TLE3: variants seen among roughly 807,000 people sequenced by gnomAD.
TLE3 encodes TLE family member 3, transcriptional corepressor.
In TLE3, 14 loss-of-function variants were observed where a neutral mutation model predicts 93.0. The ratio of observed to expected loss-of-function variants is 0.15; its 90% CI spans 0.10 to 0.24. The LOEUF (loss-of-function observed/expected upper bound fraction) is 0.24, where lower values mean the gene tolerates loss of function less well. TLE3 is among the 10% of genes least tolerant of loss of function. TLE3 has a pLI of 1.00. For missense variants in TLE3, 693 were observed against 1,046.6 expected, an observed-to-expected ratio of 0.66 and a Z score of 4.66; for synonymous variants, 451 against 425.0, an observed-to-expected ratio of 1.06 and a Z score of -0.75.
intron 4 of TLE3, among the ~76,000 whole-genome samples, chr15:70,088,998 T>G (rs1015291364): frequency 7.9e-5 from 12 of 152,108 alleles, no homozygotes; most frequent in Admixed American, 1.3e-4. Context: ...AGAGGGGCCT[T>G]GGAGATCGCT....
Position 70,097,378 on chromosome 15 carries a change from G to A in TLE3, c.-580C>T. ...GGCCGCAGGAGCGCCGGAGGGTGAG[G>A]GCGGGAGCCCGGCGCGGGCGCTTCG... is the stretch of plus-strand genomic sequence containing the variant. On this transcript the variant is annotated 5_prime_UTR_variant, in exon 1 of 20. Transcript: ENST00000451782. The A allele has an allele frequency of 4.9e-6, 2 of 407,958 alleles. No individual in the cohort carries two copies. The highest frequency in any genetic ancestry group is 4.3e-6 in the Non-Finnish European group (1 of 231,382). 25.3% of individuals were successfully genotyped at this position (407,958 alleles called of 1,614,324 possible).
chr15:70,096,919 C>G lies in TLE3; in HGVS notation c.-121G>C. On this transcript the variant is annotated 5_prime_UTR_variant, in exon 1 of 20. Transcript: ENST00000451782. ...GGCCGGGAAACCGAGAGCTCGCCCC[C>G]GGCCCCCCCAGCTCGTTCTCGCAGC... 3 of 1,114,476 alleles carry G rather than the reference C, an allele frequency of 2.7e-6. No individual in the cohort carries two copies. Among genetic ancestry groups the G allele is most frequent in the Non-Finnish European group, 3.9e-6 (3 of 768,824 alleles). The allele number at this position is 1,114,476 out of a possible 1,614,324, so 69.0% of individuals were successfully genotyped here. A position where few individuals can be genotyped will look rare whatever the true frequency, so the allele number is the denominator to read the frequency against.
At chr15:70,068,021 C>G (rs643903) in intron 6 of TLE3, among the ~76,000 whole-genome samples, 8,652 of 152,232 alleles carry the variant, frequency 0.057, 884 homozygotes, top group African/African-American at 0.2. Flanking sequence ...GGAGATCCAA[C>G]CCCTCCCAGC....
chr15:70,072,990 A>T (rs978770043), intron 6 of TLE3, among the ~76,000 whole-genome samples: 1 of 152,224 alleles, frequency 6.6e-6, no homozygotes, highest in Non-Finnish European at 1.5e-5. Flanking sequence ...CCCATTCCAC[A>T]CAGTAGGCCA....
intron 8 of TLE3, among the ~76,000 whole-genome samples, chr15:70,063,744 A>G (rs531207217): frequency 1.3e-5 from 2 of 152,388 alleles, no homozygotes; most frequent in East Asian, 3.9e-4. Context: ...CACTTGAAAC[A>G]GAACCTCGGA....
At chr15:70,079,438 C>A (rs78212770) in intron 4 of TLE3, 3 of 427,202 alleles carry the variant, frequency 7.0e-6, no homozygotes, top group South Asian at 5.0e-5. Context: ...GTTCTCCCAA[C>A]GTAAACCCAG....
rs371531567 is a variant in TLE3, at chr15:70,058,199, G to A, written c.1011C>T (p.Leu337=). The A allele has an allele frequency of 1.7e-4, 270 of 1,613,830 alleles. No homozygotes were observed. Among genetic ancestry groups the A allele is most frequent in the Non-Finnish European group, 2.3e-4 (266 of 1,179,878 alleles). ...PTPGTSTTPG[L]RSMPGKPPGM... ...CCGGAGGTTTACCCGGCATCGACCT[G>A]AGCCCTGGGGTCGTGCTGGTGCCTG... Residue 337 remains leucine (L), a synonymous_variant, in exon 12 of 20, where the codon CTC becomes CTT. Coordinates refer to ENST00000451782, the MANE Select transcript of TLE3 (RefSeq NM_001105192.3). This position sits in a 1 kb window ranked among gnomAD's most constrained non-coding sequence, Gnocchi z 4.1.
intron 4 of TLE3, among the ~76,000 whole-genome samples, chr15:70,091,974 C>T (rs528370270): frequency 6.6e-6 from 1 of 150,710 alleles, no homozygotes; most frequent in South Asian, 2.1e-4. Flanking sequence ...AGTCCCCACC[C>T]CCACCCCAGC....
intron 4 of TLE3, among the ~76,000 whole-genome samples, chr15:70,089,525 T>G (rs2058200556): frequency 6.6e-6 from 1 of 152,062 alleles, no homozygotes; most frequent in Non-Finnish European, 1.5e-5. Flanking sequence ...CACTTCCTAC[T>G]CACAGGGCTC....
At chr15:70,054,077 G>T (rs945817423) in intron 16 of TLE3, 8 of 198,040 alleles carry the variant, frequency 4.0e-5, no homozygotes, top group African/African-American at 7.0e-5. Context: ...GTTTTGTCCT[G>T]AGGCTTGTTT....
In TLE3 at chr15:70,053,296, C is replaced by T; in HGVS notation, c.1905G>A (p.Leu635=). 6.2e-7 allele frequency: 1 copy of T among 1,608,460 alleles called. No individual in the cohort carries two copies. The highest frequency in any genetic ancestry group is 8.5e-7 in the Non-Finnish European group (1 of 1,177,390). ...GGTCCCAGGAGCGCACCGTGTTGTC[C>T]AGGCCCCCTGTCCACAGTTTGGTGC... The part of the protein sequence containing the change: ...HDGTKLWTGG[L]DNTVRSWDLR... The change falls in exon 17 of 20, where the codon CTG becomes CTA. Residue 635 remains leucine (L), a synonymous_variant. Coordinates refer to ENST00000451782, the MANE Select transcript of TLE3 (RefSeq NM_001105192.3).
chr15:70,097,436 C>T lies in TLE3; in HGVS notation c.-638G>A, dbSNP rs1596055650. 1 of 417,194 alleles carries T rather than the reference C, an allele frequency of 2.4e-6. No homozygotes were observed. The allele number at this position is 417,194 out of a possible 1,614,324, so 25.8% of individuals were successfully genotyped here. ...CCCTCGGAGAGGAGAGCCTGCTGTT[C>T]CGTCTGCTACTGCCGCTGCCGCCGC... is the stretch of plus-strand genomic sequence containing the variant. On this transcript the variant is annotated 5_prime_UTR_variant, in exon 1 of 20. Transcript: ENST00000451782.
Position 70,054,470 on chromosome 15 carries a change from A to G in TLE3, c.1794T>C (p.Ala598=), listed in dbSNP as rs531457565. 8 of 1,613,968 alleles carry G rather than the reference A, an allele frequency of 5.0e-6. No homozygotes were observed. The East Asian group carries it at 1.8e-4, about 36-fold the overall frequency. ...GGGTCTGGTTGTGCAGGTCCCAGAC[A>G]GCAATGTTCCCATCGCTGCAGCAGG... The part of the protein sequence containing the change: ...CFSCCSDGNI[A]VWDLHNQTLV... Residue 598 remains alanine, a synonymous_variant, in exon 16 of 20, where the codon GCT becomes GCC. Coordinates refer to ENST00000451782, the MANE Select transcript of TLE3 (RefSeq NM_001105192.3).
At chr15:70,076,372 C>T (rs1232911129) in intron 4 of TLE3, among the ~76,000 whole-genome samples, 1 of 152,216 alleles carries the variant, frequency 6.6e-6, no homozygotes, top group Non-Finnish European at 1.5e-5. Flanking sequence ...AGGCTGCCTA[C>T]ATTTTAGGGA....
intron 4 of TLE3, among the ~76,000 whole-genome samples, chr15:70,083,854 G>C (rs953718275): frequency 1.3e-5 from 2 of 152,056 alleles, no homozygotes; most frequent in Admixed American, 1.3e-4. Context: ...AGTGGCATGA[G>C]GGAAGAACAA....
At position 70,047,865 on chromosome 15, in the gene TLE3, T is replaced by TCC. The variant is rs1402082075; in HGVS notation, c.*2231_*2232insGG. ...TGACAGCTGTACAATACTTTGGTGT[T>TCC]AACCTGTGGTCTTCCTTCACCTCAG... On this transcript the variant is annotated 3_prime_UTR_variant, in exon 20 of 20. Transcript: ENST00000451782. The TCC allele has an allele frequency of 3.3e-5, 5 of 152,210 alleles. No individual in the cohort carries two copies. Among genetic ancestry groups the TCC allele is most frequent in the Non-Finnish European group, 7.3e-5 (5 of 68,028 alleles). 9.4% of individuals were successfully genotyped at this position (152,210 alleles called of 1,614,324 possible).
chr15:70,050,588 C>T (rs2055429914), intron 19 of TLE3: 2 of 168,332 alleles, frequency 1.2e-5, no homozygotes, highest in Non-Finnish European at 2.6e-5. Flanking sequence ...GCAGCTCAGG[C>T]CCACAGCCTG....
chr15:70,091,595 G>A (rs1302520405), intron 4 of TLE3, among the ~76,000 whole-genome samples: 1 of 152,196 alleles, frequency 6.6e-6, no homozygotes, highest in Non-Finnish European at 1.5e-5. Context: ...CCATAATTAG[G>A]GAGGGAGGCA....
intron 4 of TLE3, among the ~76,000 whole-genome samples, chr15:70,092,445 G>A (rs573490530): frequency 6.6e-6 from 1 of 152,330 alleles, no homozygotes; most frequent in South Asian, 2.1e-4. Flanking sequence ...TGGCAAGCAA[G>A]GTAAAGTGCC....
Sources: gnomAD v4.1 joint callset for allele counts (sites outside exome capture counted in the v4.1 genomes callset) on GRCh38, gnomAD v4.1.1 for gene constraint, Gnocchi (gnomAD v3.1) non-coding constraint, MANE v1.5 for transcripts, NCBI Gene and HGNC (gene_info 2026-07-23, HGNC 2026-07-21) for gene names.